The following CNIH3 variants were observed in gnomAD, a reference collection of about 807,000 sequenced individuals.
CNIH3 encodes the protein cornichon family AMPA receptor auxiliary protein 3, also known as protein cornichon homolog 3.
A neutral mutation model predicts 24.1 loss-of-function variants in CNIH3; 14 were observed. That is an observed-to-expected ratio of 0.58 (90% CI 0.38 to 0.91). The LOEUF (loss-of-function observed/expected upper bound fraction) is 0.91, where lower values mean the gene tolerates loss of function less well. Ranked by LOEUF, CNIH3 falls within the 40% of genes least tolerant of loss-of-function variation. The pLI is 0.00. For synonymous variants in CNIH3, 68 were observed against 73.8 expected, an observed-to-expected ratio of 0.92 and a Z score of 0.40; for missense variants, 178 against 196.8, an observed-to-expected ratio of 0.90 and a Z score of 0.57.
intron 1 of CNIH3, among the ~76,000 whole-genome samples, chr1:224,467,909 A>C (rs1676214208): frequency 1.4e-5 from 2 of 147,534 alleles, no homozygotes; most frequent in South Asian, 4.3e-4. Flanking sequence ...TGGCCTACAG[A>C]CTTTTTTTTT....
chr1:224,651,874 C>T (rs915683948), intron 1 of CNIH3, among the ~76,000 whole-genome samples: 1 of 152,112 alleles, frequency 6.6e-6, no homozygotes, highest in Admixed American at 6.5e-5. Flanking sequence ...TGTGTATTTT[C>T]GTTAATAATA....
intron 4 of CNIH3, chr1:224,574,737 C>A: frequency 8.4e-7 from 1 of 1,191,450 alleles, no homozygotes; most frequent in Non-Finnish European, 1.3e-6. Flanking sequence ...TGACCTGAAG[C>A]TGGACTACCT....
chr1:224,548,420 G>C (rs1679785899), intron 3 of CNIH3, among the ~76,000 whole-genome samples: 1 of 151,974 alleles, frequency 6.6e-6, no homozygotes, highest in South Asian at 2.1e-4. Context: ...CATTCACCCT[G>C]TGTGTACACC....
Position 224,694,686 on chromosome 1 carries a change from G to A in CNIH3, c.198+9843G>A, listed in dbSNP as rs141305767. Among the ~76,000 whole-genome samples the A allele has an allele frequency of 2.2e-3, 338 of 152,246 alleles. 1 individual carries two copies. Among genetic ancestry groups the A allele is most frequent in the African/African-American group, 7.6e-3 (317 of 41,542 alleles). Reference sequence around the variant, plus strand: ...GCAAAATTATGGAACCAACCTAAATGCCCATCAGCCAACGAGTGGAAAGAA... The same window carrying A: ...GCAAAATTATGGAACCAACCTAAATACCCATCAGCCAACGAGTGGAAAGAA... On this transcript the variant is annotated intron_variant, in intron 3 of 5. Transcript: ENST00000272133.
At chr1:224,715,813 T>A (rs1688398531) in intron 3 of CNIH3, among the ~76,000 whole-genome samples, 2 of 152,092 alleles carry the variant, frequency 1.3e-5, no homozygotes, top group South Asian at 4.1e-4. Flanking sequence ...TCATGAGGGA[T>A]CCGCTCCCAT....
intron 1 of CNIH3, among the ~76,000 whole-genome samples, chr1:224,622,858 C>G (rs959590917): frequency 5.3e-5 from 8 of 152,238 alleles, no homozygotes; most frequent in African/African-American, 1.9e-4. Flanking sequence ...GCGCTTTGCC[C>G]TCTGGACTTG....
At chr1:224,707,374 C>T (rs535603971) in intron 3 of CNIH3, among the ~76,000 whole-genome samples, 51 of 151,560 alleles carry the variant, frequency 3.4e-4, no homozygotes, top group African/African-American at 1.2e-3. Flanking sequence ...ACACTTCAAC[C>T]ACCCTCAACC....
At chr1:224,560,411 C>G (rs1404627646) in intron 3 of CNIH3, among the ~76,000 whole-genome samples, 1 of 152,160 alleles carries the variant, frequency 6.6e-6, no homozygotes. Context: ...TCAGGACCCT[C>G]CAACCCCTGG....
At chr1:224,603,661 C>T (rs1055479464) in intron 3 of CNIH3, among the ~76,000 whole-genome samples, 2 of 152,076 alleles carry the variant, frequency 1.3e-5, no homozygotes, top group Admixed American at 6.6e-5. Flanking sequence ...TTTTTGTCAG[C>T]GTGCAAGAGA....
chr1:224,699,608 C>T (rs531053265), intron 3 of CNIH3, among the ~76,000 whole-genome samples: 1 of 152,288 alleles, frequency 6.6e-6, no homozygotes, highest in South Asian at 2.1e-4. Flanking sequence ...TCTTTAAGGA[C>T]ACTAGTCATA....
intron 3 of CNIH3, among the ~76,000 whole-genome samples, chr1:224,702,472 C>T (rs1029204325): frequency 6.6e-6 from 1 of 152,240 alleles, no homozygotes; most frequent in African/African-American, 2.4e-5. Context: ...AAGAGAGTGT[C>T]TGTTTCCCCA....
intron 3 of CNIH3, among the ~76,000 whole-genome samples, chr1:224,702,202 T>A (rs1395097245): frequency 6.6e-6 from 1 of 152,210 alleles, no homozygotes. Flanking sequence ...TAGCTATAGG[T>A]TTCTCTTAAA....
chr1:224,440,009 C>T lies in CNIH3; in HGVS notation n.203+5147C>T, dbSNP rs986849706. 3.3e-5 allele frequency among the ~76,000 whole-genome samples: 5 copies of T among 152,182 alleles called. 1 individual carries two copies. Among genetic ancestry groups the T allele is most frequent in the Admixed American group, 6.5e-5 (1 of 15,282 alleles). ...TTCACCGTGTTAACCAGGATGGTCT[C>T]GATCTCCTGACCTCGTGATCTGCCC... On this transcript the variant is annotated intron_variant and non_coding_transcript_variant, in intron 1 of 5. Coordinates refer to the CNIH3 transcript ENST00000471578.
At chr1:224,679,560 A>C (rs1686302963) in intron 1 of CNIH3, among the ~76,000 whole-genome samples, 1 of 152,210 alleles carries the variant, frequency 6.6e-6, no homozygotes, top group Non-Finnish European at 1.5e-5. Flanking sequence ...ATCTTCAGTA[A>C]GTGGTGAGTT....
intron 3 of CNIH3, among the ~76,000 whole-genome samples, chr1:224,710,758 C>G (rs982051493): frequency 2.0e-5 from 3 of 152,212 alleles, no homozygotes; most frequent in African/African-American, 7.2e-5. Context: ...ACCACTTTAT[C>G]ACTTGGAATG....
intron 1 of CNIH3, among the ~76,000 whole-genome samples, chr1:224,505,816 G>A (rs557914981): frequency 1.4e-4 from 21 of 152,248 alleles, no homozygotes; most frequent in East Asian, 3.9e-4. Flanking sequence ...AACCATTGGC[G>A]TTCAATAAAA....
At chr1:224,568,162 T>A (rs578218281) in intron 4 of CNIH3, among the ~76,000 whole-genome samples, 3 of 152,094 alleles carry the variant, frequency 2.0e-5, no homozygotes, top group South Asian at 2.1e-4. Context: ...TGGTGGCACG[T>A]GCCTGTTATC....
intron 5 of CNIH3, among the ~76,000 whole-genome samples, chr1:224,735,390 C>T (rs552737704): frequency 7.9e-5 from 12 of 152,290 alleles, no homozygotes; most frequent in East Asian, 1.9e-4. Flanking sequence ...GTGCCTTTTC[C>T]GCAAATGTCT....
intron 3 of CNIH3, among the ~76,000 whole-genome samples, chr1:224,706,009 C>T (rs1257572806): frequency 6.6e-6 from 1 of 152,056 alleles, no homozygotes; most frequent in African/African-American, 2.4e-5. Context: ...TACTCTAGCA[C>T]TTACTAGGCA....
Sources: gnomAD v4.1 joint callset for allele counts (sites outside exome capture counted in the v4.1 genomes callset) on GRCh38, gnomAD v4.1.1 for gene constraint, MANE v1.5 for transcripts, NCBI Gene and HGNC (gene_info 2026-07-23, HGNC 2026-07-21) for gene names.